ACVR1B: variants seen among roughly 807,000 people sequenced by gnomAD.
ACVR1B encodes activin receptor type-1B.
Under a neutral mutation model 55.6 loss-of-function variants are expected in ACVR1B, and 15 were observed. The ratio of observed to expected loss-of-function variants is 0.27; its 90% CI spans 0.18 to 0.42. ACVR1B has a LOEUF of 0.42. Ranked by LOEUF, ACVR1B falls within the 10% of genes least tolerant of loss-of-function variation. The pLI, the probability that ACVR1B is intolerant of heterozygous loss-of-function variation, is 1.00. For synonymous variants in ACVR1B, 247 were observed against 254.6 expected (o/e 0.97, Z 0.28); for missense variants, 359 against 670.1 (o/e 0.54, Z 5.13).
At chr12:51,952,542 A>G (rs1941322513) in intron 1 of ACVR1B, among the ~76,000 whole-genome samples, 1 of 151,914 alleles carries the variant, frequency 6.6e-6, no homozygotes, top group African/African-American at 2.4e-5. Context: ...AGGCCCCTAA[A>G]CCTTTTTGGA....
Position 51,996,376 on chromosome 12 carries a change from C to G in ACVR1B, c.*2266C>G, listed in dbSNP as rs1942297641. 2 of 152,628 alleles carry G rather than the reference C, an allele frequency of 1.3e-5. No homozygotes were observed. 9.5% of individuals were successfully genotyped at this position (152,628 alleles called of 1,614,324 possible). On this transcript the variant is annotated 3_prime_UTR_variant, in exon 9 of 9. Coordinates refer to ENST00000257963, the MANE Select transcript of ACVR1B (RefSeq NM_004302.5). ...GCTCCTGGCCCTTCTATTTATTTGA[C>G]TGATTATTGCTTCTTTCCTTGCATT...
At chr12:51,951,919 C>T in intron 1 of ACVR1B, 85 bp downstream of exon 1, 2 of 827,622 alleles carry the variant, frequency 2.4e-6, no homozygotes, top group African/African-American at 3.6e-5. Flanking sequence ...TGGACTACAG[C>T]GCGCCCCCTC....
At chr12:51,969,594 T>C (rs754787222) in intron 1 of ACVR1B, among the ~76,000 whole-genome samples, 9 of 152,220 alleles carry the variant, frequency 5.9e-5, no homozygotes, top group Non-Finnish European at 1.3e-4. Context: ...CTAATTGGAA[T>C]TTTTTATAGA....
chr12:51,987,709 A>C (rs1170062629), intron 7 of ACVR1B: 1 of 153,170 alleles, frequency 6.5e-6, no homozygotes, highest in African/African-American at 2.4e-5. Context: ...AGAGAAGGTT[A>C]GCATGGCCCC....
Position 51,953,524 on chromosome 12 carries a change from A to G in ACVR1B, c.91+1690A>G, listed in dbSNP as rs113610098. On this transcript the variant is annotated intron_variant, in intron 1 of 8. Coordinates refer to ENST00000257963, the MANE Select transcript of ACVR1B (RefSeq NM_004302.5). The stretch of plus-strand genomic sequence containing the variant: ...GGTGAGATAATGATTTGCATGAATA[A>G]GGATGTTCGTCGGGCCTTATTAAGG... The G allele has an allele frequency of 8.3e-4, 817 of 985,050 alleles. 4 individuals are homozygous for G. In the African/African-American group the frequency reaches 0.013, roughly 16 times the overall value. 61.0% of individuals were successfully genotyped at this position (985,050 alleles called of 1,614,324 possible).
chr12:51,968,672 T>A (rs138363307), intron 1 of ACVR1B, among the ~76,000 whole-genome samples: 1 of 152,338 alleles, frequency 6.6e-6, no homozygotes, highest in East Asian at 1.9e-4. Flanking sequence ...ATACAGTTTC[T>A]GCCAGGTTCG....
At chr12:51,981,238 G>C in intron 4 of ACVR1B, 39 bp downstream of exon 4, 1 of 1,562,292 alleles carries the variant, frequency 6.4e-7, no homozygotes, top group Non-Finnish European at 8.8e-7. Flanking sequence ...CCAGATAGAG[G>C]ATGCTAGAGA....
At chr12:51,983,101 C>A (rs1247841840) in intron 4 of ACVR1B, among the ~76,000 whole-genome samples, 2 of 152,156 alleles carry the variant, frequency 1.3e-5, no homozygotes, top group Non-Finnish European at 2.9e-5. Flanking sequence ...AATCAGACTC[C>A]CTCGTTCTTG....
chr12:51,981,283 C>A, intron 4 of ACVR1B, 84 bp downstream of exon 4: 2 of 1,190,822 alleles, frequency 1.7e-6, no homozygotes, highest in Non-Finnish European at 2.4e-6. Context: ...GCTCTGTTTG[C>A]CTTCATCATT....
intron 3 of ACVR1B, among the ~76,000 whole-genome samples, chr12:51,978,313 A>T (rs918363487): frequency 4.6e-5 from 7 of 152,106 alleles, no homozygotes; most frequent in African/African-American, 1.7e-4. Context: ...GGGAAGGGCC[A>T]TGGTAGTTGT....
chr12:51,975,193 T>C lies in ACVR1B; in HGVS notation c.92-72T>C. 4.5e-6 allele frequency: 7 copies of C among 1,557,524 alleles called. No individual in the cohort carries two copies. The South Asian group carries it at 7.1e-5, about 16-fold the overall frequency. On this transcript the variant is annotated intron_variant, in intron 1 of 8. Coordinates refer to ENST00000257963, the MANE Select transcript of ACVR1B (RefSeq NM_004302.5). ...ACATCAAGTATGCTAAGGGATTATA[T>C]TCTAAGTTTGGAAAAGGACCTGCAA... is the stretch of plus-strand genomic sequence containing the variant.
At chr12:51,958,774 T>TA (rs1941459919) in intron 1 of ACVR1B, among the ~76,000 whole-genome samples, 1 of 152,226 alleles carries the variant, frequency 6.6e-6, no homozygotes, top group African/African-American at 2.4e-5. Context: ...GAGAATCTAA[T>TA]GCCGCCGCTG....
At position 51,979,163 on chromosome 12, in the gene ACVR1B, C is replaced by CAAA. The variant is rs1164099929; in HGVS notation, c.581-1788_581-1786dup. Among the ~76,000 whole-genome samples the CAAA allele has an allele frequency of 1.9e-4, 11 of 57,078 alleles. 1 individual carries two copies. Among genetic ancestry groups the CAAA allele is most frequent in the East Asian group, 5.2e-4 (1 of 1,922 alleles). 37.4% of individuals were successfully genotyped at this position (57,078 alleles called of 152,430 possible). On this transcript the variant is annotated intron_variant, in intron 3 of 8. Coordinates refer to ENST00000257963, the MANE Select transcript of ACVR1B (RefSeq NM_004302.5). ...GGGCAGCAAGAGCAAAGCTCCGTCT[C>CAAA]AAAAAAAAAAAAAAAAAAAAGGCCA...
intron 1 of ACVR1B, among the ~76,000 whole-genome samples, chr12:51,963,149 A>G (rs1941568989): frequency 6.6e-6 from 1 of 152,188 alleles, no homozygotes; most frequent in South Asian, 2.1e-4. Flanking sequence ...AAAATGTACT[A>G]TTTTAATTGT....
rs1264006665 is a variant in ACVR1B at position 51,985,363 on chromosome 12, G to C, written c.1136+15G>C. ...GGGACCAAACGGTAGGAGGGCCTGG[G>C]ACTCTGCCCTTGCTAAGCAGCTTCT... On this transcript the variant is annotated intron_variant, in intron 6 of 8. Coordinates refer to ENST00000257963, the MANE Select transcript of ACVR1B (RefSeq NM_004302.5). 1 of 1,600,490 alleles carries C rather than the reference G, an allele frequency of 6.2e-7. No homozygotes were observed. The highest frequency in any genetic ancestry group is 8.5e-7 in the Non-Finnish European group (1 of 1,174,248).
rs1942288565 is a variant in ACVR1B, at chr12:51,995,895, C to T, written c.*1785C>T. On this transcript the variant is annotated 3_prime_UTR_variant, in exon 9 of 9. Transcript: ENST00000257963. ...TGCACTGTCCAGCTGGTTGTACCCT[C>T]TCCAGGCATTTATTCAACAAATGTG... is the stretch of plus-strand genomic sequence containing the variant. 6.5e-6 allele frequency: 1 copy of T among 152,674 alleles called. No homozygotes were observed. Among genetic ancestry groups the T allele is most frequent in the African/African-American group, 2.4e-5 (1 of 41,446 alleles). 9.5% of individuals were successfully genotyped at this position (152,674 alleles called of 1,614,324 possible).
chr12:51,985,973 G>T (rs551700491), intron 6 of ACVR1B, among the ~76,000 whole-genome samples: 2 of 152,278 alleles, frequency 1.3e-5, no homozygotes, highest in African/African-American at 4.8e-5. Flanking sequence ...TTATTGTGGG[G>T]GCTGGGGTGG....
Position 51,994,344 on chromosome 12 carries a change from TGGA to T in ACVR1B, c.*236_*238del, listed in dbSNP as rs142051576. Reference sequence around the variant, plus strand: ...ATGGAGACTCTGAGAGCGAATTGTGTGGAGAACTCAGTGCCACACCTCGAACTG... The same window carrying T: ...ATGGAGACTCTGAGAGCGAATTGTGTGAACTCAGTGCCACACCTCGAACTG... On this transcript the variant is annotated 3_prime_UTR_variant, in exon 9 of 9. Transcript: ENST00000257963. This position sits in a 1 kb window ranked among gnomAD's most constrained non-coding sequence, Gnocchi z 4.2. The T allele has an allele frequency of 1.9e-3, 957 of 499,904 alleles. 6 individuals are homozygous for T. Among genetic ancestry groups the T allele is most frequent in the African/African-American group, 0.016 (819 of 50,740 alleles). 31.0% of individuals were successfully genotyped at this position (499,904 alleles called of 1,614,324 possible).
chr12:51,953,972 A>G (rs891073949), intron 1 of ACVR1B, among the ~76,000 whole-genome samples: 24 of 152,312 alleles, frequency 1.6e-4, no homozygotes, highest in African/African-American at 5.3e-4. Context: ...GCCAGACACT[A>G]CAGTTTTTTC....
Sources: gnomAD v4.1 joint callset for allele counts (sites outside exome capture counted in the v4.1 genomes callset) on GRCh38, gnomAD v4.1.1 for gene constraint, Gnocchi (gnomAD v3.1) non-coding constraint, MANE v1.5 for transcripts, NCBI Gene and HGNC (gene_info 2026-07-23, HGNC 2026-07-21) for gene names.